Variants in PKIB observed in about 807,000 individuals in gnomAD.
PKIB encodes cAMP-dependent protein kinase inhibitor beta, also known as PKI-beta.
PKIB carries 2 observed loss-of-function variants against 4.5 expected under a neutral mutation model. That is an observed-to-expected ratio of 0.44 (90% CI 0.18 to 1.39). PKIB has a LOEUF of 1.39. Among genes scored for constraint, PKIB ranks in the 40% most tolerant of loss-of-function variants. The pLI is 0.27. For synonymous variants in PKIB, 38 were observed against 36.0 expected, an observed-to-expected ratio of 1.06 and a Z score of -0.20; for missense variants, 94 against 92.6, an observed-to-expected ratio of 1.02 and a Z score of -0.06.
In PKIB at chr6:122,550,403, TGTGA is replaced by T. The variant is rs528847588; in HGVS notation, c.-247-35515_-247-35512del. On this transcript the variant is annotated intron_variant, in intron 2 of 6. Coordinates refer to the PKIB transcript ENST00000392491. ...TTTATTGCTTAAATTATTATGAATA[TGTGA>T]GTAATATTTATAACTGAGCATTTTA... 1.9e-4 allele frequency among the ~76,000 whole-genome samples: 29 copies of T among 152,338 alleles called. No individual in the cohort carries two copies. The South Asian group carries it at 5.0e-3, about 26-fold the overall frequency.
intron 1 of PKIB, among the ~76,000 whole-genome samples, chr6:122,624,654 C>G (rs1775363288): frequency 6.6e-6 from 1 of 151,880 alleles, no homozygotes; most frequent in African/African-American, 2.4e-5. Flanking sequence ...ATATAAAATC[C>G]AGATCAAAAG....
At chr6:122,673,632 T>C (rs1777551162) in intron 2 of PKIB, among the ~76,000 whole-genome samples, 1 of 152,204 alleles carries the variant, frequency 6.6e-6, no homozygotes. Context: ...ATTTTAAAAT[T>C]CTTCCAAGGT....
chr6:122,716,035 T>C (rs1779478635), intron 3 of PKIB, among the ~76,000 whole-genome samples: 1 of 152,164 alleles, frequency 6.6e-6, no homozygotes, highest in African/African-American at 2.4e-5. Context: ...CATGTAGTAT[T>C]GAATAAAAAT....
intron 2 of PKIB, among the ~76,000 whole-genome samples, chr6:122,523,831 G>GCCAT: frequency 6.6e-6 from 1 of 150,810 alleles, no homozygotes; most frequent in East Asian, 1.9e-4. Flanking sequence ...CTTTCCTGCC[G>GCCAT]CCATGTAAGA....
chr6:122,625,307 C>A (rs1269423429), intron 1 of PKIB, among the ~76,000 whole-genome samples: 2 of 152,136 alleles, frequency 1.3e-5, no homozygotes, highest in Non-Finnish European at 1.5e-5. Flanking sequence ...TAAAAAATTT[C>A]AGATAAATTG....
intron 4 of PKIB, among the ~76,000 whole-genome samples, chr6:122,719,140 T>A (rs1779621579): frequency 6.6e-6 from 1 of 152,142 alleles, no homozygotes; most frequent in Non-Finnish European, 1.5e-5. Context: ...GGCAATTACT[T>A]GTTCGTGTAA....
intron 1 of PKIB, among the ~76,000 whole-genome samples, chr6:122,472,666 A>C (rs1026819523): frequency 1.3e-5 from 2 of 152,224 alleles, no homozygotes; most frequent in Non-Finnish European, 2.9e-5. Flanking sequence ...CAAAAATTGC[A>C]TGGGTCGAGG....
intron 3 of PKIB, among the ~76,000 whole-genome samples, chr6:122,709,479 G>T (rs917131475): frequency 7.4e-6 from 1 of 135,948 alleles, no homozygotes; most frequent in African/African-American, 3.0e-5. Context: ...ATGGGATCAA[G>T]TGGGAGTTTT....
At chr6:122,545,849 A>G (rs932373442) in intron 2 of PKIB, among the ~76,000 whole-genome samples, 2 of 151,228 alleles carry the variant, frequency 1.3e-5, no homozygotes, top group Admixed American at 6.6e-5. Flanking sequence ...GAAAAAAAAA[A>G]GTCAAGCAGA....
chr6:122,651,187 G>T (rs547607874), intron 2 of PKIB, among the ~76,000 whole-genome samples: 26 of 152,244 alleles, frequency 1.7e-4, no homozygotes, highest in Non-Finnish European at 2.9e-4. Flanking sequence ...GAATGCACTT[G>T]ATAGGAAATG....
At chr6:122,722,870 C>T (rs897278297) in intron 4 of PKIB, among the ~76,000 whole-genome samples, 1 of 152,186 alleles carries the variant, frequency 6.6e-6, no homozygotes, top group African/African-American at 2.4e-5. Context: ...TTCTCTCACC[C>T]TAATAAGATT....
In PKIB at chr6:122,725,207, C is replaced by A; in HGVS notation, c.*12C>A. 6.2e-7 allele frequency: 1 copy of A among 1,600,714 alleles called. No individual in the cohort carries two copies. The highest frequency in any genetic ancestry group is 8.5e-7 in the Non-Finnish European group (1 of 1,171,732). ...ATGAAGAAAAATGAAGGCTCATAAT[C>A]TATCAAGAGTGCTGAATTTCTGCAT... On this transcript the variant is annotated 3_prime_UTR_variant, in exon 5 of 5. Transcript: ENST00000368452.
At chr6:122,558,998 A>G (rs1254335232) in intron 2 of PKIB, among the ~76,000 whole-genome samples, 2 of 152,140 alleles carry the variant, frequency 1.3e-5, no homozygotes, top group Non-Finnish European at 2.9e-5. Context: ...AGAACATATG[A>G]TGTTTATTTT....
intron 2 of PKIB, among the ~76,000 whole-genome samples, chr6:122,521,666 C>T (rs956316438): frequency 5.9e-5 from 9 of 151,960 alleles, no homozygotes; most frequent in Admixed American, 3.9e-4. Context: ...GGTGACAGAG[C>T]GAGACTCCAC....
chr6:122,566,140 T>A (rs964736650), intron 2 of PKIB, among the ~76,000 whole-genome samples: 1 of 152,154 alleles, frequency 6.6e-6, no homozygotes, highest in Non-Finnish European at 1.5e-5. Flanking sequence ...GGTGTTGGAC[T>A]TTTAGTAGAC....
chr6:122,627,256 A>T (rs1775490619), intron 1 of PKIB, among the ~76,000 whole-genome samples: 1 of 151,550 alleles, frequency 6.6e-6, no homozygotes, highest in Non-Finnish European at 1.5e-5. Flanking sequence ...AAAAAAAAAA[A>T]GAAAAAAAAA....
At chr6:122,632,525 C>A (rs1775743567) in intron 1 of PKIB, among the ~76,000 whole-genome samples, 1 of 152,110 alleles carries the variant, frequency 6.6e-6, no homozygotes, top group South Asian at 2.1e-4. Context: ...AGGTTGTTTT[C>A]CAGCTATTTA....
intron 2 of PKIB, among the ~76,000 whole-genome samples, chr6:122,573,554 A>T (rs1773436945): frequency 6.6e-6 from 1 of 151,608 alleles, no homozygotes; most frequent in African/African-American, 2.4e-5. Context: ...GAAAAAAAAA[A>T]GAAGAAAAAA....
chr6:122,594,355 C>T (rs368039852), intron 3 of PKIB, among the ~76,000 whole-genome samples: 21 of 151,976 alleles, frequency 1.4e-4, no homozygotes, highest in East Asian at 3.9e-4. Context: ...TACAGGCGTG[C>T]GCCACCATGC....
Sources: gnomAD v4.1 joint callset for allele counts (sites outside exome capture counted in the v4.1 genomes callset) on GRCh38, gnomAD v4.1.1 for gene constraint, MANE v1.5 for transcripts, NCBI Gene and HGNC (gene_info 2026-07-23, HGNC 2026-07-21) for gene names.